Variants in CDH22 observed in about 807,000 individuals in gnomAD.
The protein encoded by CDH22 is cadherin 22, also known as cadherin-22.
Under a neutral mutation model 58.4 loss-of-function variants are expected in CDH22, and 30 were observed. The ratio of observed to expected loss-of-function variants is 0.51; its 90% CI spans 0.38 to 0.70. CDH22 has a LOEUF of 0.70. Among genes scored for constraint, CDH22 ranks in the 30% least tolerant of loss-of-function variants. The probability of loss-of-function intolerance (pLI) is 0.00; values close to 1 mark genes in which losing one functional copy is unlikely to be tolerated. For synonymous variants in CDH22, 513 were observed against 558.2 expected (o/e 0.92, Z 1.14); for missense variants, 1,014 against 1,233.9 (o/e 0.82, Z 2.67).
chr20:46,280,665 G>A (rs1401936559), intron 1 of CDH22, among the ~76,000 whole-genome samples: 1 of 152,206 alleles, frequency 6.6e-6, no homozygotes, highest in Non-Finnish European at 1.5e-5. Flanking sequence ...GATAGACCTT[G>A]GCTATTGGAC....
chr20:46,190,707 G>A (rs1189546635), intron 8 of CDH22, among the ~76,000 whole-genome samples: 1 of 152,254 alleles, frequency 6.6e-6, no homozygotes, highest in Non-Finnish European at 1.5e-5. Flanking sequence ...GCCCGGGGCT[G>A]AGCAGGCCTG....
intron 8 of CDH22, among the ~76,000 whole-genome samples, chr20:46,191,574 AT>A (rs1395199204): frequency 6.6e-6 from 1 of 152,092 alleles, no homozygotes; most frequent in African/African-American, 2.4e-5. Flanking sequence ...GGGCTGCCCC[AT>A]TTCGTCCTGT....
At chr20:46,269,836 C>A (rs2086478677) in intron 1 of CDH22, among the ~76,000 whole-genome samples, 1 of 152,220 alleles carries the variant, frequency 6.6e-6, no homozygotes, top group South Asian at 2.1e-4. Context: ...CATCCACCTC[C>A]TCAGGGACTT....
chr20:46,253,190 C>T (rs1374710736), intron 1 of CDH22, among the ~76,000 whole-genome samples: 1 of 152,214 alleles, frequency 6.6e-6, no homozygotes, highest in African/African-American at 2.4e-5. Context: ...TGGGCAATGC[C>T]CTTCCCTTTA....
Position 46,227,550 on chromosome 20 carries a change from C to T in CDH22, c.628G>A (p.Val210Met), listed in dbSNP as rs376488565. Residue 210 changes from valine (V) to methionine (M), a missense_variant, in exon 4 of 12, where the codon GTG becomes ATG. By Grantham distance (21) the Val-to-Met change is conservative. This residue lies in a region of CDH22 where 806 missense variants were observed against 1,038.7 expected (regional missense o/e 0.78). Transcript: ENST00000537909. ...GTGAAGTGGTGCTCGCCGTCCAGCA[C>T]GCTGTACACCAGCCGAGCGCTGCTG... ...YGSSARLVYS[V>M]LDGEHHFTVD... 1.2e-5 allele frequency: 20 copies of T among 1,611,910 alleles called. No individual in the cohort carries two copies. In the African/African-American group the frequency reaches 2.0e-4, roughly 16 times the overall value.
At chr20:46,258,731 G>A (rs530064842) in intron 1 of CDH22, among the ~76,000 whole-genome samples, 1 of 152,266 alleles carries the variant, frequency 6.6e-6, no homozygotes, top group Admixed American at 6.5e-5. Context: ...CCAGTTTCTG[G>A]CAGTCACCGA....
At chr20:46,286,572 C>G (rs1302618073) in intron 1 of CDH22, among the ~76,000 whole-genome samples, 1 of 152,148 alleles carries the variant, frequency 6.6e-6, no homozygotes, top group Non-Finnish European at 1.5e-5. Context: ...CAGCAGAAAC[C>G]CTGCGCAGCC....
chr20:46,227,413 A>G (rs1268320956), intron 4 of CDH22, 95 bp downstream of exon 4: 1 of 1,215,060 alleles, frequency 8.2e-7, no homozygotes, highest in South Asian at 1.3e-5. Context: ...CTTCTGGGAC[A>G]GAAGGCTCAG....
rs34878778 is a variant in CDH22, at chr20:46,229,289, GCC to G, written c.551-1664_551-1663del. Among the ~76,000 whole-genome samples the G allele has an allele frequency of 2.8e-3, 392 of 138,512 alleles. 4 individuals carry two copies. Among genetic ancestry groups the G allele is most frequent in the African/African-American group, 3.9e-3 (143 of 36,266 alleles). 90.9% of individuals were successfully genotyped at this position (138,512 alleles called of 152,430 possible). A position where few individuals can be genotyped will look rare whatever the true frequency, so the allele number is the denominator to read the frequency against. On this transcript the variant is annotated intron_variant, in intron 3 of 11. Coordinates refer to ENST00000537909, the MANE Select transcript of CDH22 (RefSeq NM_021248.3). ...CATAGCATCTCGGAGATGCAGAGTG[GCC>G]CCCCCCCCCAATTTTACAGCTGAGG...
intron 8 of CDH22, among the ~76,000 whole-genome samples, chr20:46,190,800 G>C (rs900049090): frequency 4.6e-5 from 7 of 152,156 alleles, no homozygotes; most frequent in Middle Eastern, 3.2e-3. Flanking sequence ...ATTAATCCGG[G>C]GGGGTGGCAG....
At chr20:46,306,605 G>T (rs1381806428) in intron 1 of CDH22, among the ~76,000 whole-genome samples, 1 of 152,254 alleles carries the variant, frequency 6.6e-6, no homozygotes, top group Non-Finnish European at 1.5e-5. Context: ...GAATGGAAGA[G>T]GAGTGTCCCA....
intron 4 of CDH22, chr20:46,219,751 C>T (rs1288298999): frequency 6.6e-6 from 1 of 152,216 alleles, no homozygotes; most frequent in African/African-American, 2.4e-5. Context: ...TGAATTGCCT[C>T]ATTTAATCCT....
At chr20:46,282,295 G>A (rs889450542) in intron 1 of CDH22, among the ~76,000 whole-genome samples, 2 of 152,122 alleles carry the variant, frequency 1.3e-5, no homozygotes, top group South Asian at 2.1e-4. Context: ...GATTTGCCCG[G>A]GGGGTGGGAG....
chr20:46,236,205 C>A (rs1478419577), intron 3 of CDH22, among the ~76,000 whole-genome samples: 1 of 152,008 alleles, frequency 6.6e-6, no homozygotes, highest in African/African-American at 2.4e-5. Context: ...TCTAACAGCC[C>A]AGACCTCGTG....
intron 8 of CDH22, among the ~76,000 whole-genome samples, chr20:46,195,118 G>C (rs1210298735): frequency 6.6e-6 from 1 of 152,192 alleles, no homozygotes; most frequent in Non-Finnish European, 1.5e-5. Context: ...ACAAAACCAA[G>C]GTAACAAGAT....
In CDH22 at chr20:46,241,741, C is replaced by T. The variant is rs1441317498; in HGVS notation, c.256-484G>A. Among the ~76,000 whole-genome samples the T allele has an allele frequency of 1.3e-5, 2 of 152,218 alleles. No individual in the cohort carries two copies. The highest frequency in any genetic ancestry group is 4.8e-5 in the African/African-American group (2 of 41,462). On this transcript the variant is annotated intron_variant, in intron 2 of 11. Coordinates refer to ENST00000537909, the MANE Select transcript of CDH22 (RefSeq NM_021248.3). This position sits in a 1 kb window ranked among gnomAD's most constrained non-coding sequence, Gnocchi z 5.2. ...AAGCTTTTCTGGATCCTCAGTCTCC[C>T]CCTGCCCCCAGGATCTCTCGGTACA... is the stretch of plus-strand genomic sequence containing the variant.
At chr20:46,236,779 C>T (rs1027840449) in intron 3 of CDH22, among the ~76,000 whole-genome samples, 1 of 151,428 alleles carries the variant, frequency 6.6e-6, no homozygotes, top group African/African-American at 2.4e-5. Flanking sequence ...GCAATCTCTG[C>T]CTCCCCAGTT....
chr20:46,216,221 CCGG>C lies in CDH22; in HGVS notation c.838+602_838+604del, dbSNP rs1260375371. On this transcript the variant is annotated intron_variant, in intron 5 of 11. Coordinates refer to ENST00000537909, the MANE Select transcript of CDH22 (RefSeq NM_021248.3). This position sits in a 1 kb window ranked among gnomAD's most constrained non-coding sequence, Gnocchi z 5.3. ...GCTGATAGGGAGCTGGGAGGCTGGGCCGGAGACATCCCCCAACCCCCGCTGTGC... is the reference window on the plus strand; with the variant it reads ...GCTGATAGGGAGCTGGGAGGCTGGGCAGACATCCCCCAACCCCCGCTGTGC... 6.6e-6 allele frequency among the ~76,000 whole-genome samples: 1 copy of C among 152,142 alleles called. No individual in the cohort carries two copies. The highest frequency in any genetic ancestry group is 1.5e-5 in the Non-Finnish European group (1 of 68,032).
chr20:46,183,215 C>G (rs1323532291), intron 10 of CDH22, among the ~76,000 whole-genome samples: 2 of 152,114 alleles, frequency 1.3e-5, no homozygotes, highest in Non-Finnish European at 2.9e-5. Flanking sequence ...GCTTAAATAG[C>G]TGTTGACACT....
Sources: allele counts gnomAD v4.1 joint callset (sites outside exome capture counted in the v4.1 genomes callset), GRCh38; gene constraint gnomAD v4.1.1; regional missense constraint gnomAD v4.1.1; non-coding constraint Gnocchi (gnomAD v3.1); transcripts MANE v1.5; gene names NCBI Gene and HGNC (gene_info 2026-07-23, HGNC 2026-07-21).